ATAD2B: variants seen among roughly 807,000 people sequenced by gnomAD.
ATAD2B encodes the protein ATPase family AAA domain-containing protein 2B.
In ATAD2B, 40 loss-of-function variants were observed where a neutral mutation model predicts 167.6. That is an observed-to-expected ratio of 0.24 (90% confidence interval 0.19 to 0.31). The LOEUF (loss-of-function observed/expected upper bound fraction) is 0.31, where lower values mean the gene tolerates loss of function less well. ATAD2B is among the 10% of genes least tolerant of loss of function. ATAD2B has a pLI of 1.00. For missense variants in ATAD2B, 1,242 were observed against 1,757.2 expected (o/e 0.71, Z 5.24); for synonymous variants, 579 against 596.5 (o/e 0.97, Z 0.43).
chr2:23,885,956 T>C (rs560258524), intron 4 of ATAD2B, 127 bp from the exon 5 acceptor site: 2 of 568,866 alleles, frequency 3.5e-6, no homozygotes, highest in African/African-American at 1.9e-5. Context: ...TTCTTTTTTG[T>C]TTTTTTTAGA....
intron 22 of ATAD2B, among the ~76,000 whole-genome samples, chr2:23,766,961 T>C (rs948062048): frequency 2.0e-5 from 3 of 150,004 alleles, no homozygotes; most frequent in Non-Finnish European, 3.0e-5. Flanking sequence ...GAAAATACCA[T>C]GTGAGAAAAT....
chr2:23,687,283 C>T, the ATAD2B span, among the ~76,000 whole-genome samples: 1 of 152,154 alleles, frequency 6.6e-6, no homozygotes, highest in Admixed American at 6.5e-5. Context: ...TGATCCCTCC[C>T]TGCTGTCCCC....
At chr2:23,877,471 G>T (rs377337431) in intron 7 of ATAD2B, among the ~76,000 whole-genome samples, 3 of 140,488 alleles carry the variant, frequency 2.1e-5, no homozygotes, top group East Asian at 4.5e-4. Context: ...TCCAGCCTAG[G>T]TGACAGAGCA....
chr2:23,890,124 A>G (rs1573283649), intron 2 of ATAD2B, among the ~76,000 whole-genome samples: 1 of 152,100 alleles, frequency 6.6e-6, no homozygotes, highest in South Asian at 2.1e-4. Context: ...CTGAGGCAGG[A>G]GAATGGCGTG....
In ATAD2B at chr2:23,895,919, T is replaced by C. The variant is rs755413666; in HGVS notation, c.268A>G (p.Lys90Glu). ...GAATCAGGTTGTTTCAAAGTGCGTT[T>C]GGCTGGAGGAGATACGTGGCTATCA... ...LSDSHVSPPA[K>E]RTLKQPDSVC... Residue 90 changes from lysine to glutamate, a missense_variant, in exon 2 of 28, where the codon AAA (lysine) becomes GAA (glutamate). Coordinates refer to ENST00000238789, the MANE Select transcript of ATAD2B (RefSeq NM_017552.4). 16 of 1,613,346 alleles carry C rather than the reference T, an allele frequency of 9.9e-6. No individual in the cohort carries two copies. The highest frequency in any genetic ancestry group is 1.6e-4 in the Middle Eastern group (1 of 6,082).
intron 18 of ATAD2B, among the ~76,000 whole-genome samples, chr2:23,809,367 G>GT (rs1434215096): frequency 2.0e-5 from 3 of 152,070 alleles, no homozygotes; most frequent in Non-Finnish European, 2.9e-5. Context: ...CCAGAGAACT[G>GT]TGAGTAAAAG....
intron 1 of ATAD2B, among the ~76,000 whole-genome samples, chr2:23,897,033 A>C (rs1351001557): frequency 6.6e-6 from 1 of 152,158 alleles, no homozygotes; most frequent in Non-Finnish European, 1.5e-5. Context: ...GGGAGGCTGA[A>C]GCACAAGAAT....
At chr2:23,832,216 C>T (rs1384913684) in intron 14 of ATAD2B, 1 of 469,854 alleles carries the variant, frequency 2.1e-6, no homozygotes, top group African/African-American at 2.0e-5. Context: ...ACCTTACTGA[C>T]TGCTCTGTAA....
intron 14 of ATAD2B, among the ~76,000 whole-genome samples, chr2:23,830,020 T>C (rs561308765): frequency 6.6e-6 from 1 of 152,320 alleles, no homozygotes; most frequent in East Asian, 1.9e-4. Context: ...AGTCTCACTC[T>C]ATCACCCAGG....
chr2:23,797,987 T>C (rs1682879688), intron 19 of ATAD2B, 151 bp downstream of exon 19: 2 of 463,918 alleles, frequency 4.3e-6, no homozygotes, highest in Non-Finnish European at 7.6e-6. Flanking sequence ...CTTAAATAAC[T>C]TACCTACATC....
chr2:23,854,835 C>T (rs1173713949), intron 13 of ATAD2B, among the ~76,000 whole-genome samples: 1 of 152,166 alleles, frequency 6.6e-6, no homozygotes, highest in African/African-American at 2.4e-5. Context: ...AATTCAAATC[C>T]TGACTCTTCA....
At chr2:23,791,083 A>G (rs116593175) in intron 19 of ATAD2B, among the ~76,000 whole-genome samples, 3,934 of 152,290 alleles carry the variant, frequency 0.026, 68 homozygotes, top group South Asian at 0.045. Context: ...GGCTTCTGTC[A>G]CTTAAAACTT....
In ATAD2B at chr2:23,869,756, T is replaced by A; in HGVS notation, c.983A>T (p.Lys328Met). The A allele has an allele frequency of 6.4e-7, 1 of 1,555,694 alleles. No homozygotes were observed. The highest frequency in any genetic ancestry group is 2.3e-5 in the East Asian group (1 of 42,576). Residue 328 changes from lysine to methionine, a missense_variant, in exon 9 of 28, where the codon AAG becomes ATG. By Grantham distance (95) the Lys-to-Met change is moderately conservative (BLOSUM62 -1). This residue lies in a region of ATAD2B where 127 missense variants were observed against 146.3 expected (regional missense o/e 0.87). Transcript: ENST00000238789. ...GTCACTACTATGAATGGCATGCTTC[T>A]TTCTCCTATTTAAAGAGAGTAAAAT... ...SPARRSHIRR[K>M]KHAIHSSDTT...
At chr2:23,902,529 A>G (rs1700965901) in intron 1 of ATAD2B, among the ~76,000 whole-genome samples, 1 of 152,148 alleles carries the variant, frequency 6.6e-6, no homozygotes, top group South Asian at 2.1e-4. Context: ...CTTCCCTCAA[A>G]GCATTTTACT....
chr2:23,914,850 A>AT (rs1702818813), intron 1 of ATAD2B, among the ~76,000 whole-genome samples: 1 of 152,144 alleles, frequency 6.6e-6, no homozygotes, highest in Non-Finnish European at 1.5e-5. Flanking sequence ...CAAAAAAAAA[A>AT]AAAAAAGAAC....
the ATAD2B span, among the ~76,000 whole-genome samples, chr2:23,686,105 G>A: frequency 6.6e-6 from 1 of 151,916 alleles, no homozygotes; most frequent in Admixed American, 6.5e-5. Flanking sequence ...GAAGAGGGAG[G>A]AAGAGCATTC....
chr2:23,762,410 TA>T, intron 23 of ATAD2B, 64 bp from the exon 24 acceptor site: 3 of 1,496,292 alleles, frequency 2.0e-6, no homozygotes, highest in Non-Finnish European at 2.7e-6. Flanking sequence ...AAAAGGTTTT[TA>T]AAAAAATCTC....
At chr2:23,703,609 CTTG>C in the ATAD2B span, 1 of 1,332,826 alleles carries the variant, frequency 7.5e-7, no homozygotes, top group Non-Finnish European at 1.0e-6. Flanking sequence ...CAATCAGTCA[CTTG>C]TTGGAAGTCT....
At chr2:23,833,592 T>A (rs953472235) in intron 14 of ATAD2B, among the ~76,000 whole-genome samples, 4 of 152,148 alleles carry the variant, frequency 2.6e-5, no homozygotes, top group African/African-American at 9.7e-5. Context: ...AACATTATTT[T>A]ATGAGAATAA....
Sources: gnomAD v4.1 joint callset for allele counts (sites outside exome capture counted in the v4.1 genomes callset) on GRCh38, gnomAD v4.1.1 for gene constraint, gnomAD v4.1.1 regional missense constraint, MANE v1.5 for transcripts, NCBI Gene and HGNC (gene_info 2026-07-23, HGNC 2026-07-21) for gene names.